The following CNGA3 variants were observed in gnomAD, a reference collection of about 807,000 sequenced individuals.
CNGA3 encodes the protein cyclic nucleotide gated channel subunit alpha 3, also known as cyclic nucleotide-gated channel alpha-3.
In CNGA3, 42 loss-of-function variants were observed where a neutral mutation model predicts 46.6. The ratio of observed to expected loss-of-function variants is 0.90; its 90% CI spans 0.70 to 1.17. The LOEUF is 1.17. Ranked by LOEUF, CNGA3 falls within the 50% of genes most tolerant of loss-of-function variation. The pLI, the probability that CNGA3 is intolerant of heterozygous loss-of-function variation, is 0.00. For synonymous variants in CNGA3, 394 were observed against 369.4 expected (o/e 1.07, Z -0.76); for missense variants, 893 against 890.7 (o/e 1.00, Z -0.03).
At chr2:98,361,081 T>C (rs954185577) in intron 1 of CNGA3, among the ~76,000 whole-genome samples, 1 of 152,158 alleles carries the variant, frequency 6.6e-6, no homozygotes, top group East Asian at 1.9e-4. Flanking sequence ...GTTTGTTACA[T>C]AGGTAAATGT....
At position 98,377,077 on chromosome 2, in the gene CNGA3, T is replaced by G. The variant is rs118080454; in HGVS notation, c.102-610T>G. Among the ~76,000 whole-genome samples the G allele has an allele frequency of 1.5e-3, 221 of 152,270 alleles. No individual in the cohort carries two copies. The East Asian group carries it at 0.036, about 25-fold the overall frequency. Reference sequence around the variant, plus strand: ...GGGACGAGGGGAAGTGGAGTCTCATTTGAAAGCACTGTACAAATTATTTGA... The same window carrying G: ...GGGACGAGGGGAAGTGGAGTCTCATGTGAAAGCACTGTACAAATTATTTGA... On this transcript the variant is annotated intron_variant, in intron 2 of 7. Coordinates refer to ENST00000272602, the MANE Select transcript of CNGA3 (RefSeq NM_001298.3).
At position 98,378,005 on chromosome 2, in the gene CNGA3, C is replaced by T. The variant is rs548646869; in HGVS notation, c.215+205C>T. On this transcript the variant is annotated intron_variant, in intron 3 of 7. Coordinates refer to ENST00000272602, the MANE Select transcript of CNGA3 (RefSeq NM_001298.3). ...TGAGCTCAGAAAAGTCTAAGGAAAA[C>T]TGCCTTTATCTGAAATTGCTTAATA... The T allele has an allele frequency of 5.7e-5, 87 of 1,526,910 alleles. No homozygotes were observed. In the South Asian group the frequency reaches 1.0e-3, roughly 18 times the overall value. 94.6% of individuals were successfully genotyped at this position (1,526,910 alleles called of 1,614,324 possible). A position where few individuals can be genotyped will look rare whatever the true frequency, so the allele number is the denominator to read the frequency against.
chr2:98,396,875 C>T lies in CNGA3; in HGVS notation c.1705C>T (p.Arg569Cys), dbSNP rs757167624. 1.1e-5 allele frequency: 18 copies of T among 1,614,022 alleles called. No individual in the cohort carries two copies. Among genetic ancestry groups the T allele is most frequent in the East Asian group, 2.2e-5 (1 of 44,884 alleles). Residue 569 changes from arginine to cysteine, a missense_variant, in exon 8 of 8, where the codon CGC (arginine) becomes TGC (cysteine). Arg to Cys is a radical substitution (Grantham distance 180, BLOSUM62 -3). Around this residue, in one of 3 missense-constraint regions of CNGA3, gnomAD observed 548 missense variants for 570.8 expected, o/e 0.96. Coordinates refer to ENST00000272602, the MANE Select transcript of CNGA3 (RefSeq NM_001298.3). ...GGGGAACCGCAGGACGGCCAACATC[C>T]GCAGCATTGGCTACTCAGACCTGTT... Reference protein sequence around the residue: ...KSGNRRTANIRSIGYSDLFCL... With the variant: ...KSGNRRTANICSIGYSDLFCL...
chr2:98,386,022 TG>T (rs1339774417), intron 5 of CNGA3, among the ~76,000 whole-genome samples: 6 of 152,220 alleles, frequency 3.9e-5, no homozygotes, highest in African/African-American at 1.4e-4. Flanking sequence ...TCTGTGTATC[TG>T]TTTCCTGGCT....
chr2:98,385,460 A>AACTGC (rs1376785815), intron 5 of CNGA3, among the ~76,000 whole-genome samples: 2 of 152,176 alleles, frequency 1.3e-5, no homozygotes, highest in African/African-American at 2.4e-5. Flanking sequence ...CACACACAAA[A>AACTGC]ACTGCACTTC....
chr2:98,372,817 T>G (rs1030505234), intron 2 of CNGA3, among the ~76,000 whole-genome samples: 8 of 152,114 alleles, frequency 5.3e-5, no homozygotes, highest in African/African-American at 1.7e-4. Context: ...CTCTTCTCCT[T>G]GACCTCAGAT....
rs201476088 is a variant in CNGA3, at chr2:98,355,579, T to TA, written c.-38+9049dup. Among the ~76,000 whole-genome samples the TA allele has an allele frequency of 9.5e-3, 1,443 of 152,326 alleles. 27 individuals carry two copies. Among genetic ancestry groups the TA allele is most frequent in the African/African-American group, 0.03 (1,260 of 41,570 alleles). On this transcript the variant is annotated intron_variant, in intron 1 of 7. Transcript: ENST00000272602. ...TTTAAAAGGTATATTTAAATATTTTTAAAACTCTTATATAAAGATAGCACT... is the reference window on the plus strand; with the variant it reads ...TTTAAAAGGTATATTTAAATATTTTTAAAAACTCTTATATAAAGATAGCACT...
At chr2:98,365,938 T>C (rs1692138561) in intron 1 of CNGA3, among the ~76,000 whole-genome samples, 1 of 152,218 alleles carries the variant, frequency 6.6e-6, no homozygotes, top group African/African-American at 2.4e-5. Context: ...TCTGTGCCCT[T>C]GGTGGAGATG....
chr2:98,375,587 TTA>T (rs1356938109), intron 2 of CNGA3, among the ~76,000 whole-genome samples: 1 of 152,206 alleles, frequency 6.6e-6, no homozygotes, highest in Non-Finnish European at 1.5e-5. Flanking sequence ...ACAGGGTCTT[TTA>T]TGTGTACACA....
chr2:98,359,445 C>T (rs760174922), intron 1 of CNGA3, among the ~76,000 whole-genome samples: 3 of 152,172 alleles, frequency 2.0e-5, no homozygotes, highest in African/African-American at 7.2e-5. Flanking sequence ...AGGAAGGATG[C>T]GAGGTAGAGG....
At chr2:98,371,561 T>C (rs934741175) in intron 2 of CNGA3, among the ~76,000 whole-genome samples, 2 of 152,176 alleles carry the variant, frequency 1.3e-5, no homozygotes, top group Non-Finnish European at 2.9e-5. Flanking sequence ...ATTTATTTCC[T>C]CCAACCATTT....
chr2:98,359,552 G>A (rs1248115555), intron 1 of CNGA3, among the ~76,000 whole-genome samples: 1 of 152,216 alleles, frequency 6.6e-6, no homozygotes. Flanking sequence ...ACCACCTGGA[G>A]GCCAGGTTCA....
At chr2:98,359,953 C>T (rs950464609) in intron 1 of CNGA3, among the ~76,000 whole-genome samples, 4 of 152,206 alleles carry the variant, frequency 2.6e-5, no homozygotes, top group African/African-American at 9.6e-5. Flanking sequence ...TCCCGGTGGG[C>T]ATGGCCCCTT....
rs1692582037 is a variant in CNGA3 at position 98,383,454 on chromosome 2, A to G, written c.449+13A>G. The G allele has an allele frequency of 3.7e-6, 6 of 1,613,972 alleles. No homozygotes were observed. Among genetic ancestry groups the G allele is most frequent in the Non-Finnish European group, 3.4e-6 (4 of 1,180,010 alleles). ...ACACGGAGGAGGAGTAAGTACCCAC[A>G]CACCCAGCAGAGCCCTCCCCAAGCC... On this transcript the variant is annotated intron_variant, in intron 5 of 7. Transcript: ENST00000272602.
At chr2:98,376,806 C>G (rs538116159) in intron 2 of CNGA3, among the ~76,000 whole-genome samples, 1 of 152,350 alleles carries the variant, frequency 6.6e-6, no homozygotes, top group South Asian at 2.1e-4. Context: ...TAATGCCTGG[C>G]TGGCTTTTAA....
rs761915575 is a variant in CNGA3 at position 98,396,089 on chromosome 2, G to A, written c.919G>A (p.Val307Ile). 1.4e-5 allele frequency: 23 copies of A among 1,614,092 alleles called. No homozygotes were observed. In the Admixed American group the frequency reaches 3.7e-4, roughly 26 times the overall value. Residue 307 changes from valine (V) to isoleucine (I), a missense_variant, in exon 8 of 8, where the codon GTC (valine) becomes ATC (isoleucine). By Grantham distance (29) the Val-to-Ile change is conservative. This residue lies in a region of CNGA3 where 548 missense variants were observed against 570.8 expected (regional missense o/e 0.96). Transcript: ENST00000272602. ...CAATATGTTCAGGATTGGGAACTTG[G>A]TCTTGTACATTCTCATCATCATCCA... ...YPNMFRIGNL[V>I]LYILIIIHWN... is the part of the protein sequence containing the mutation.
chr2:98,394,328 G>A (rs1270295597), intron 7 of CNGA3, among the ~76,000 whole-genome samples: 2 of 152,050 alleles, frequency 1.3e-5, no homozygotes, highest in Non-Finnish European at 2.9e-5. Context: ...GGTGGGTCCC[G>A]AACTTCATAT....
At chr2:98,392,092 C>T in intron 7 of CNGA3, 122 bp downstream of exon 7, 1 of 839,858 alleles carries the variant, frequency 1.2e-6, no homozygotes, top group South Asian at 1.4e-5. Context: ...GGTCTGGGGA[C>T]CTCCGACAGT....
At chr2:98,349,469 A>T (rs1355810112) in intron 1 of CNGA3, among the ~76,000 whole-genome samples, 1 of 152,216 alleles carries the variant, frequency 6.6e-6, no homozygotes, top group Non-Finnish European at 1.5e-5. Context: ...TTTCATAAAG[A>T]TTCTGGGGTC....
Sources: gnomAD v4.1 joint callset for allele counts (sites outside exome capture counted in the v4.1 genomes callset) on GRCh38, gnomAD v4.1.1 for gene constraint, gnomAD v4.1.1 regional missense constraint, MANE v1.5 for transcripts, NCBI Gene and HGNC (gene_info 2026-07-23, HGNC 2026-07-21) for gene names.